The following RFC3 variants were observed in gnomAD, a reference collection of about 807,000 sequenced individuals.
RFC3 encodes the protein replication factor C subunit 3.
RFC3 carries 41 observed loss-of-function variants against 45.1 expected under a neutral mutation model. The ratio of observed to expected loss-of-function variants is 0.91; its 90% CI spans 0.71 to 1.18. RFC3 has a LOEUF of 1.18. Ranked by LOEUF, RFC3 falls within the 50% of genes most tolerant of loss-of-function variation. RFC3 has a pLI of 0.00. For missense variants in RFC3, 423 were observed against 428.1 expected (o/e 0.99, Z 0.10); for synonymous variants, 149 against 144.0 (o/e 1.03, Z -0.25).
At chr13:33,851,272 A>G (rs1423631120) in intron 8 of RFC3, among the ~76,000 whole-genome samples, 2 of 152,232 alleles carry the variant, frequency 1.3e-5, no homozygotes, top group South Asian at 2.1e-4. Context: ...CTTAGTTTAT[A>G]ATATAGTTGA....
intron 8 of RFC3, among the ~76,000 whole-genome samples, chr13:33,943,250 T>C (rs988272157): frequency 6.6e-6 from 1 of 152,150 alleles, no homozygotes; most frequent in African/African-American, 2.4e-5. Flanking sequence ...ATTACATATG[T>C]TAACTTCTTT....
chr13:33,933,590 G>A (rs2082866188), intron 8 of RFC3, among the ~76,000 whole-genome samples: 1 of 152,160 alleles, frequency 6.6e-6, no homozygotes, highest in Non-Finnish European at 1.5e-5. Context: ...AATAAATCGA[G>A]ATGATAAAAT....
chr13:33,975,421 A>T, the RFC3 span, among the ~76,000 whole-genome samples: 1 of 152,178 alleles, frequency 6.6e-6, no homozygotes, highest in Admixed American at 6.6e-5. Context: ...AGCATAAAGA[A>T]TTTTTTTAGA....
At chr13:33,963,283 A>T (rs1389738160) in intron 8 of RFC3, among the ~76,000 whole-genome samples, 4 of 152,348 alleles carry the variant, frequency 2.6e-5, no homozygotes, top group South Asian at 2.1e-4. Context: ...ATCTAGGGCT[A>T]TTGCCAACAA....
At chr13:33,852,758 T>C (rs540022099) in intron 8 of RFC3, among the ~76,000 whole-genome samples, 12 of 152,334 alleles carry the variant, frequency 7.9e-5, no homozygotes, top group African/African-American at 2.9e-4. Flanking sequence ...CATTTGGCTT[T>C]GAACTTCTGT....
intron 6 of RFC3, 88 bp from the exon 7 acceptor site, chr13:33,831,168 A>G (rs2082099527): frequency 1.2e-6 from 1 of 813,836 alleles, no homozygotes; most frequent in East Asian, 2.6e-5. Flanking sequence ...CCCGGTTCCT[A>G]ACCGCACGGA....
chr13:33,851,669 C>T (rs998599192), intron 8 of RFC3, among the ~76,000 whole-genome samples: 3 of 152,034 alleles, frequency 2.0e-5, no homozygotes, highest in Admixed American at 2.0e-4. Context: ...TATAAATGGA[C>T]CCATGCAGTT....
intron 8 of RFC3, among the ~76,000 whole-genome samples, chr13:33,945,987 CT>C (rs1186562866): frequency 6.6e-6 from 1 of 152,182 alleles, no homozygotes; most frequent in East Asian, 1.9e-4. Context: ...ACTGCCATCA[CT>C]TGAGTTCAAA....
At chr13:33,934,452 A>G (rs532817861) in intron 8 of RFC3, among the ~76,000 whole-genome samples, 1 of 152,276 alleles carries the variant, frequency 6.6e-6, no homozygotes, top group East Asian at 1.9e-4. Context: ...AGAAATGCTT[A>G]GAGGGCTTTC....
chr13:33,917,839 C>G (rs2082742953), intron 8 of RFC3, among the ~76,000 whole-genome samples: 1 of 151,916 alleles, frequency 6.6e-6, no homozygotes, highest in Non-Finnish European at 1.5e-5. Context: ...CACAGACAAT[C>G]CACTTGAATT....
downstream of RFC3, among the ~76,000 whole-genome samples, chr13:33,968,467 C>G (rs999895571): frequency 3.9e-5 from 6 of 152,170 alleles, no homozygotes; most frequent in African/African-American, 1.4e-4. Flanking sequence ...ACATGGGGAT[C>G]AGATGGTAAT....
At chr13:33,847,587 A>G (rs1431187778) in intron 8 of RFC3, 2 of 152,092 alleles carry the variant, frequency 1.3e-5, no homozygotes, top group East Asian at 3.9e-4. Context: ...TATCTCTTAA[A>G]AAAAAAAAAT....
chr13:33,917,546 T>A (rs1046967814), intron 8 of RFC3, among the ~76,000 whole-genome samples: 2 of 152,126 alleles, frequency 1.3e-5, no homozygotes, highest in Admixed American at 1.3e-4. Context: ...TTAGTTGCTC[T>A]CTGTAGGCCT....
intron 8 of RFC3, among the ~76,000 whole-genome samples, chr13:33,918,034 C>T (rs993173009): frequency 6.6e-6 from 1 of 152,066 alleles, no homozygotes; most frequent in African/African-American, 2.4e-5. Flanking sequence ...TCCTACAGCT[C>T]TACAGGGGTT....
chr13:33,961,646 C>T (rs919681743), intron 8 of RFC3, among the ~76,000 whole-genome samples: 2 of 152,180 alleles, frequency 1.3e-5, no homozygotes, highest in Non-Finnish European at 2.9e-5. Context: ...ATCAAAGCTG[C>T]TAACTCATTT....
chr13:33,909,466 A>G (rs535361544), intron 8 of RFC3, among the ~76,000 whole-genome samples: 1 of 151,800 alleles, frequency 6.6e-6, no homozygotes, highest in African/African-American at 2.4e-5. Context: ...CCTCTTCGTC[A>G]TTTACCCTAA....
At chr13:33,929,945 G>A (rs2082841308) in intron 8 of RFC3, among the ~76,000 whole-genome samples, 1 of 152,088 alleles carries the variant, frequency 6.6e-6, no homozygotes, top group African/African-American at 2.4e-5. Context: ...AGTTCTTAAT[G>A]TAGCTTGCCA....
chr13:33,911,892 G>A (rs1027237628), intron 8 of RFC3, among the ~76,000 whole-genome samples: 3 of 151,970 alleles, frequency 2.0e-5, no homozygotes, highest in Non-Finnish European at 4.4e-5. Context: ...TGGTGCGGAC[G>A]AACAAACCAT....
At chr13:33,902,307 A>G (rs1312623271) in intron 8 of RFC3, among the ~76,000 whole-genome samples, 4 of 152,220 alleles carry the variant, frequency 2.6e-5, no homozygotes, top group Admixed American at 2.6e-4. Context: ...GAGAATCAGC[A>G]ATTTGAAAAG....
Sources: gnomAD v4.1 joint callset for allele counts (sites outside exome capture counted in the v4.1 genomes callset) on GRCh38, gnomAD v4.1.1 for gene constraint, MANE v1.5 for transcripts, NCBI Gene and HGNC (gene_info 2026-07-23, HGNC 2026-07-21) for gene names.